The following LRP1 variants were observed in gnomAD, a reference collection of about 807,000 sequenced individuals.
LRP1 encodes the protein prolow-density lipoprotein receptor-related protein 1.
Under a neutral mutation model 541.5 loss-of-function variants are expected in LRP1, and 51 were observed. The ratio of observed to expected loss-of-function variants is 0.09; its 90% CI spans 0.08 to 0.12. The LOEUF is 0.12. LRP1 is among the 10% of genes least tolerant of loss of function. The probability of loss-of-function intolerance (pLI) is 1.00; values close to 1 mark genes in which losing one functional copy is unlikely to be tolerated. For synonymous variants in LRP1, 2,219 were observed against 2,470.8 expected (o/e 0.90, Z 3.02); for missense variants, 3,878 against 6,376.2 (o/e 0.61, Z 13.34).
chr12:57,209,973 C>A, intron 80 of LRP1, 56 bp from the exon 81 acceptor site: 1 of 1,584,942 alleles, frequency 6.3e-7, no homozygotes, highest in South Asian at 1.2e-5. Flanking sequence ...CCTGGGCTCA[C>A]AGGGCTCAGA....
At position 57,162,306 on chromosome 12, in the gene LRP1, T is replaced by A; in HGVS notation, c.2203-11T>A. 1 of 1,612,932 alleles carries A rather than the reference T, an allele frequency of 6.2e-7. No individual in the cohort carries two copies. The highest frequency in any genetic ancestry group is 1.1e-5 in the South Asian group (1 of 91,062). ...CTTCCAACTCCTTAGTAACATCCTCTCCATCCCTAGATTGTGTATGAAGGT... is the reference window on the plus strand; with the variant it reads ...CTTCCAACTCCTTAGTAACATCCTCACCATCCCTAGATTGTGTATGAAGGT... On this transcript the variant is annotated splice_polypyrimidine_tract_variant and intron_variant, in intron 13 of 88. Coordinates refer to ENST00000243077, the MANE Select transcript of LRP1 (RefSeq NM_002332.3). The surrounding 1 kb of genome is among the most constrained non-coding windows in gnomAD (Gnocchi z 5.2).
At chr12:57,136,138 C>T (rs1408260255) in intron 1 of LRP1, among the ~76,000 whole-genome samples, 5 of 152,218 alleles carry the variant, frequency 3.3e-5, no homozygotes, top group Non-Finnish European at 7.4e-5. Flanking sequence ...CTGTGTTTCC[C>T]GGGAAGACCT....
intron 60 of LRP1, 93 bp downstream of exon 60, chr12:57,198,763 G>C: frequency 8.0e-7 from 1 of 1,254,622 alleles, no homozygotes; most frequent in Non-Finnish European, 1.1e-6. Context: ...GGCAAGAGTG[G>C]ACATAAAAAG....
rs759955831 is a variant in LRP1, at chr12:57,205,091, A to G, written c.11195-18A>G. 59 of 1,606,768 alleles carry G rather than the reference A, an allele frequency of 3.7e-5. No homozygotes were observed. The highest frequency in any genetic ancestry group is 1.5e-4 in the Admixed American group (9 of 59,302). ...GCAGGGGAGAATACCCAGGGCCTAAAGCCTCTGCCCTCCTCAGAGCCCCCC... is the reference window on the plus strand; with the variant it reads ...GCAGGGGAGAATACCCAGGGCCTAAGGCCTCTGCCCTCCTCAGAGCCCCCC... On this transcript the variant is annotated intron_variant, in intron 72 of 88. Transcript: ENST00000243077. The surrounding 1 kb of genome is among the most constrained non-coding windows in gnomAD (Gnocchi z 4.6).
chr12:57,160,110 G>A, intron 12 of LRP1, 105 bp downstream of exon 12: 2 of 1,166,610 alleles, frequency 1.7e-6, no homozygotes, highest in East Asian at 5.0e-5. Flanking sequence ...GGTGAGGCGG[G>A]ATACTTTAGC....
rs1438897804 is a variant in LRP1 at position 57,187,144 on chromosome 12, C to T, written c.6842-123C>T. 3 of 963,490 alleles carry T rather than the reference C, an allele frequency of 3.1e-6. No individual in the cohort carries two copies. In the East Asian group the frequency reaches 7.9e-5, roughly 25 times the overall value. The allele number at this position is 963,490 out of a possible 1,614,324, so 59.7% of individuals were successfully genotyped here. On this transcript the variant is annotated intron_variant, in intron 41 of 88. Coordinates refer to ENST00000243077, the MANE Select transcript of LRP1 (RefSeq NM_002332.3). ...AGCCCTCTCTGCTGCACCTCTTGCA[C>T]TCCCATACCCCACACTTCGCCTTCC... is the stretch of plus-strand genomic sequence containing the variant.
At chr12:57,136,655 G>A (rs7975305) in intron 1 of LRP1, among the ~76,000 whole-genome samples, 1 of 152,210 alleles carries the variant, frequency 6.6e-6, no homozygotes, top group African/African-American at 2.4e-5. Flanking sequence ...GGGTGGGGGA[G>A]AAGGGGTGGG....
intron 22 of LRP1, 25 bp downstream of exon 22, chr12:57,174,005 GT>G (rs1221797252): frequency 6.2e-7 from 1 of 1,610,648 alleles, no homozygotes; most frequent in Non-Finnish European, 8.5e-7. Flanking sequence ...CAGGAGAAGG[GT>G]AGGGAGGGTG....
At position 57,143,802 on chromosome 12, in the gene LRP1, T is replaced by C; in HGVS notation, c.448+4T>C. 1.2e-6 allele frequency: 2 copies of C among 1,612,580 alleles called. No homozygotes were observed. Among genetic ancestry groups the C allele is most frequent in the Non-Finnish European group, 1.7e-6 (2 of 1,179,184 alleles). ...GCAGATGGCAAGACCTGCAAAGGTA[T>C]GTGAGTGCATGTGCCTGTGTGCATG... On this transcript the variant is annotated splice_donor_region_variant and intron_variant, in intron 4 of 88. Coordinates refer to ENST00000243077, the MANE Select transcript of LRP1 (RefSeq NM_002332.3).
rs144159445 is a variant in LRP1 at position 57,208,568 on chromosome 12, G to A, written c.12039-143G>A. On this transcript the variant is annotated intron_variant, in intron 77 of 88. Coordinates refer to ENST00000243077, the MANE Select transcript of LRP1 (RefSeq NM_002332.3). ...TCAACCTGCTCAGAAGCAGACTCCC[G>A]CCTGCTTCTCTGTAGAAGGACAGAA... The A allele has an allele frequency of 2.2e-3, 1,329 of 607,358 alleles. 36 individuals are homozygous for A. The East Asian group carries it at 0.036, about 17-fold the overall frequency. The allele number at this position is 607,358 out of a possible 1,614,324, so 37.6% of individuals were successfully genotyped here.
rs2036561539 is a variant in LRP1, at chr12:57,197,487, C to G, written c.9163-58C>G. On this transcript the variant is annotated intron_variant, in intron 57 of 88. Transcript: ENST00000243077. This position sits in a 1 kb window ranked among gnomAD's most constrained non-coding sequence, Gnocchi z 4.5. ...GGTCCAACCATCCCTCCCCCAGATGCAAATGTGGCCCCTGTTGCCACAACC... is the reference window on the plus strand; with the variant it reads ...GGTCCAACCATCCCTCCCCCAGATGGAAATGTGGCCCCTGTTGCCACAACC... 1.9e-6 allele frequency: 3 copies of G among 1,613,384 alleles called. No homozygotes were observed. Among genetic ancestry groups the G allele is most frequent in the Admixed American group, 3.3e-5 (2 of 59,900 alleles).
Position 57,179,168 on chromosome 12 carries a change from G to T in LRP1, c.4738+147G>T, listed in dbSNP as rs1258464999. ...TCCAGAGACAGCCACTGTGAGAAGG[G>T]GCTGCAGGTCTGCCAGGGGGGCTGC... On this transcript the variant is annotated intron_variant, in intron 28 of 88. Coordinates refer to ENST00000243077, the MANE Select transcript of LRP1 (RefSeq NM_002332.3). The surrounding 1 kb of genome is among the most constrained non-coding windows in gnomAD (Gnocchi z 6.8). 12 of 1,305,232 alleles carry T rather than the reference G, an allele frequency of 9.2e-6. No individual in the cohort carries two copies. Among genetic ancestry groups the T allele is most frequent in the Admixed American group, 2.3e-5 (1 of 44,318 alleles). The allele number at this position is 1,305,232 out of a possible 1,614,324, so 80.9% of individuals were successfully genotyped here. A position where few individuals can be genotyped will look rare whatever the true frequency, so the allele number is the denominator to read the frequency against.
At chr12:57,166,900 T>G (rs374498278) in intron 17 of LRP1, 30 bp from the exon 18 acceptor site, 2 of 1,147,414 alleles carry the variant, frequency 1.7e-6, no homozygotes, top group African/African-American at 3.0e-5. Context: ...GTCAGGACAA[T>G]GAGTACTCAC....
At chr12:57,168,996 T>C (rs564155579) in intron 19 of LRP1, 144 bp from the exon 20 acceptor site, 4 of 688,114 alleles carry the variant, frequency 5.8e-6, no homozygotes, top group African/African-American at 5.4e-5. Flanking sequence ...GCAGTTTCTG[T>C]GTCTTTTCTG....
Position 57,206,433 on chromosome 12 carries a change from T to G in LRP1, c.11591-40T>G. On this transcript the variant is annotated intron_variant, in intron 75 of 88. Transcript: ENST00000243077. This position sits in a 1 kb window ranked among gnomAD's most constrained non-coding sequence, Gnocchi z 4.7. ...AGCTGAGCTGGGTGGGGTGCACACC[T>G]GCATCCCACAGCCCCAGCCCTGGCC... 1 of 1,605,650 alleles carries G rather than the reference T, an allele frequency of 6.2e-7. No homozygotes were observed. Among genetic ancestry groups the G allele is most frequent in the Non-Finnish European group, 8.5e-7 (1 of 1,174,834 alleles).
rs768459167 is a variant in LRP1, at chr12:57,212,078, C to A, written c.13350-39C>A. 2 of 1,613,076 alleles carry A rather than the reference C, an allele frequency of 1.2e-6. No homozygotes were observed. Among genetic ancestry groups the A allele is most frequent in the African/African-American group, 1.3e-5 (1 of 74,902 alleles). The stretch of plus-strand genomic sequence containing the variant: ...ATTTTGCCATCCTAGCCTTCCCCCC[C>A]AATAATCTCTGTCTCCTTATACTCC... On this transcript the variant is annotated intron_variant, in intron 87 of 88. Transcript: ENST00000243077. The surrounding 1 kb of genome is among the most constrained non-coding windows in gnomAD (Gnocchi z 5.0).
At position 57,145,019 on chromosome 12, in the gene LRP1, A is replaced by G. The variant is rs2306691; in HGVS notation, c.496A>G (p.Asn166Asp). 1.1e-4 allele frequency: 181 copies of G among 1,614,154 alleles called. 3 individuals carry two copies. The East Asian group carries it at 3.9e-3, about 35-fold the overall frequency. Residue 166 changes from asparagine (N) to aspartate (D), a missense_variant, in exon 5 of 89, where the codon AAC becomes GAC. Around this residue, in one of 13 missense-constraint regions of LRP1, gnomAD observed 293 missense variants for 403.7 expected, o/e 0.73. Transcript: ENST00000243077. ...CGGCACCTGCAGCCAGCTATGCACC[A>G]ACACAGACGGCTCCTTCATATGTGG... Reference protein sequence around the residue: ...VYGTCSQLCTNTDGSFICGCV... With the variant: ...VYGTCSQLCTDTDGSFICGCV...
chr12:57,183,588 G>C lies in LRP1; in HGVS notation c.5794+78G>C. 1 of 1,536,888 alleles carries C rather than the reference G, an allele frequency of 6.5e-7. No homozygotes were observed. Among genetic ancestry groups the C allele is most frequent in the Non-Finnish European group, 8.8e-7 (1 of 1,137,324 alleles). ...TGGTGTGGTGTGCCCTGAGGGTCCA[G>C]TGAGAGGCTGCCTGAATTGGCCTGA... On this transcript the variant is annotated intron_variant, in intron 35 of 88. Transcript: ENST00000243077. The surrounding 1 kb of genome is among the most constrained non-coding windows in gnomAD (Gnocchi z 6.1).
rs1396742876 is a variant in LRP1 at position 57,165,155 on chromosome 12, G to A, written c.2531-650G>A. The A allele has an allele frequency of 1.3e-5, 2 of 152,526 alleles. No individual in the cohort carries two copies. The highest frequency in any genetic ancestry group is 4.8e-5 in the African/African-American group (2 of 41,414). The allele number at this position is 152,526 out of a possible 1,614,324, so 9.4% of individuals were successfully genotyped here. ...GGAAATCGCCACCCATGGGGCCATG[G>A]GAAGTTTCAGAGATTAGAGAGGGGT... On this transcript the variant is annotated intron_variant, in intron 15 of 88. Transcript: ENST00000243077. This position sits in a 1 kb window ranked among gnomAD's most constrained non-coding sequence, Gnocchi z 4.5.
Sources: gnomAD v4.1 joint callset for allele counts (sites outside exome capture counted in the v4.1 genomes callset) on GRCh38, gnomAD v4.1.1 for gene constraint, gnomAD v4.1.1 regional missense constraint, Gnocchi (gnomAD v3.1) non-coding constraint, MANE v1.5 for transcripts, NCBI Gene and HGNC (gene_info 2026-07-23, HGNC 2026-07-21) for gene names.